Variants in XKR6 observed in about 807,000 individuals in gnomAD.
XKR6 encodes XK-related protein 6.
Under a neutral mutation model 56.7 loss-of-function variants are expected in XKR6, and 22 were observed. The observed-to-expected ratio is 0.39, with a 90% CI of 0.28 to 0.55. The LOEUF (loss-of-function observed/expected upper bound fraction) is 0.55. Among genes scored for constraint, XKR6 ranks in the 20% least tolerant of loss-of-function variants. The pLI is 0.66. For missense variants in XKR6, 852 were observed against 889.0 expected (o/e 0.96, Z 0.53); for synonymous variants, 524 against 387.8 (o/e 1.35, Z -4.13).
At chr8:11,168,005 G>C (rs538218044) in intron 1 of XKR6, among the ~76,000 whole-genome samples, 17 of 150,690 alleles carry the variant, frequency 1.1e-4, no homozygotes, top group South Asian at 2.1e-4. Flanking sequence ...TACAAAAATA[G>C]TTGGGAAAAG....
chr8:10,927,799 G>T (rs1011553253), intron 1 of XKR6, among the ~76,000 whole-genome samples: 1 of 152,158 alleles, frequency 6.6e-6, no homozygotes, highest in Non-Finnish European at 1.5e-5. Flanking sequence ...CAGGGTGGAT[G>T]TAGGCAAAGA....
intron 1 of XKR6, among the ~76,000 whole-genome samples, chr8:11,126,760 G>C (rs368416076): frequency 1.3e-5 from 2 of 152,080 alleles, no homozygotes; most frequent in South Asian, 2.1e-4. Context: ...ATGCCAACTC[G>C]ACAATGTTAA....
chr8:11,065,473 G>A (rs1180623718), intron 1 of XKR6, among the ~76,000 whole-genome samples: 3 of 152,164 alleles, frequency 2.0e-5, no homozygotes, highest in African/African-American at 4.8e-5. Context: ...ACGTTTCCCA[G>A]GCATTTAGGT....
intron 1 of XKR6, among the ~76,000 whole-genome samples, chr8:10,983,642 G>A (rs1002496084): frequency 6.7e-6 from 1 of 150,358 alleles, no homozygotes; most frequent in Non-Finnish European, 1.5e-5. Flanking sequence ...AAAAAGAAAA[G>A]CTTACATATT....
chr8:11,154,837 C>T (rs1035444325), intron 1 of XKR6, among the ~76,000 whole-genome samples: 14 of 152,120 alleles, frequency 9.2e-5, no homozygotes, highest in Admixed American at 2.0e-4. Context: ...CTTTTCTTTC[C>T]ATTGACTGCC....
rs1227956518 is a variant in XKR6 at position 11,167,525 on chromosome 8, G to C, written c.764+33051C>G. Among the ~76,000 whole-genome samples the C allele has an allele frequency of 2.6e-5, 4 of 152,282 alleles. No individual in the cohort carries two copies. In the East Asian group the frequency reaches 7.7e-4, roughly 29 times the overall value. On this transcript the variant is annotated intron_variant, in intron 1 of 2. Transcript: ENST00000416569. ...ACCTGGGGTCAAAGAGTACAAATGAGACATGCAACACATGACCTGAGGTCT... is the reference window on the plus strand; with the variant it reads ...ACCTGGGGTCAAAGAGTACAAATGACACATGCAACACATGACCTGAGGTCT...
At chr8:10,921,795 G>C (rs1004986329) in intron 2 of XKR6, among the ~76,000 whole-genome samples, 1 of 152,200 alleles carries the variant, frequency 6.6e-6, no homozygotes, top group Non-Finnish European at 1.5e-5. Flanking sequence ...AGCCCTGGTG[G>C]TACAGAGTGG....
chr8:11,080,756 C>G (rs1324179502), intron 1 of XKR6, among the ~76,000 whole-genome samples: 1 of 152,260 alleles, frequency 6.6e-6, no homozygotes, highest in Non-Finnish European at 1.5e-5. Context: ...CAGAGGGACA[C>G]TACCGTCAGA....
intron 1 of XKR6, among the ~76,000 whole-genome samples, chr8:10,985,028 C>T (rs1392449956): frequency 2.0e-5 from 3 of 151,942 alleles, no homozygotes; most frequent in African/African-American, 7.3e-5. Context: ...TAACCTCCAC[C>T]TCCCAGGCTC....
chr8:11,006,345 G>C (rs981306130), intron 1 of XKR6, among the ~76,000 whole-genome samples: 6 of 152,108 alleles, frequency 3.9e-5, no homozygotes, highest in African/African-American at 1.4e-4. Flanking sequence ...TTCTGCCTGG[G>C]TATTATTAGG....
At chr8:11,102,018 T>C (rs925122836) in intron 1 of XKR6, among the ~76,000 whole-genome samples, 1 of 152,208 alleles carries the variant, frequency 6.6e-6, no homozygotes, top group Non-Finnish European at 1.5e-5. Flanking sequence ...GAGGAGGATG[T>C]GTCCAGCAAC....
chr8:11,069,603 A>G (rs968998554), intron 1 of XKR6, among the ~76,000 whole-genome samples: 5 of 152,178 alleles, frequency 3.3e-5, no homozygotes, highest in Non-Finnish European at 7.4e-5. Flanking sequence ...TGAGCATAAA[A>G]GAAAGCACCC....
chr8:11,047,612 G>T (rs915173674), intron 1 of XKR6, among the ~76,000 whole-genome samples: 1 of 152,172 alleles, frequency 6.6e-6, no homozygotes, highest in Non-Finnish European at 1.5e-5. Context: ...GGTTGCCAGG[G>T]GCTGGGAAAA....
chr8:11,066,212 G>A (rs1042304738), intron 1 of XKR6, among the ~76,000 whole-genome samples: 2 of 152,194 alleles, frequency 1.3e-5, no homozygotes, highest in Non-Finnish European at 2.9e-5. Flanking sequence ...ACATTCCAGA[G>A]TCCTGGACAA....
intron 1 of XKR6, among the ~76,000 whole-genome samples, chr8:11,043,387 G>A (rs1258235218): frequency 6.6e-6 from 1 of 152,034 alleles, no homozygotes; most frequent in Non-Finnish European, 1.5e-5. Flanking sequence ...CTCCTCCTGG[G>A]CCACCCAGCC....
intron 1 of XKR6, among the ~76,000 whole-genome samples, chr8:11,075,375 G>T (rs902330074): frequency 1.3e-5 from 2 of 152,140 alleles, no homozygotes; most frequent in African/African-American, 4.8e-5. Context: ...TCCTTCCAGG[G>T]TTAGGGGTTG....
intron 1 of XKR6, among the ~76,000 whole-genome samples, chr8:11,149,408 T>C (rs376865556): frequency 6.6e-6 from 1 of 152,350 alleles, no homozygotes; most frequent in East Asian, 1.9e-4. Context: ...ACCACCGTCG[T>C]ATATGTGGTC....
intron 1 of XKR6, among the ~76,000 whole-genome samples, chr8:11,063,907 G>T (rs534206446): frequency 6.6e-6 from 1 of 152,216 alleles, no homozygotes; most frequent in African/African-American, 2.4e-5. Flanking sequence ...CTTTCTCTTT[G>T]AACTTTTTCC....
intron 1 of XKR6, among the ~76,000 whole-genome samples, chr8:11,085,693 C>T (rs1480660080): frequency 1.3e-5 from 2 of 152,146 alleles, no homozygotes; most frequent in South Asian, 2.1e-4. Context: ...TGGTCAGCAT[C>T]GGGCAGGCCT....
Sources: gnomAD v4.1 joint callset for allele counts (sites outside exome capture counted in the v4.1 genomes callset) on GRCh38, gnomAD v4.1.1 for gene constraint, MANE v1.5 for transcripts, NCBI Gene and HGNC (gene_info 2026-07-23, HGNC 2026-07-21) for gene names.